Variants in GRM8 observed in about 807,000 individuals in gnomAD.
GRM8 encodes glutamate metabotropic receptor 8.
GRM8 carries 47 observed loss-of-function variants against 87.2 expected under a neutral mutation model. The observed-to-expected ratio is 0.54, with a 90% confidence interval of 0.43 to 0.69. The LOEUF (loss-of-function observed/expected upper bound fraction) is 0.69, where lower values mean the gene tolerates loss of function less well. Among genes scored for constraint, GRM8 ranks in the 30% least tolerant of loss-of-function variants. The probability of loss-of-function intolerance (pLI) is 0.00; values close to 1 mark genes in which losing one functional copy is unlikely to be tolerated. For synonymous variants in GRM8, 396 were observed against 404.5 expected (o/e 0.98, Z 0.25); for missense variants, 1,019 against 1,139.2 (o/e 0.89, Z 1.52).
intron 7 of GRM8, among the ~76,000 whole-genome samples, chr7:126,764,465 A>G (rs1425292580): frequency 6.6e-6 from 1 of 152,060 alleles, no homozygotes; most frequent in East Asian, 1.9e-4. Context: ...GTTAAACTAT[A>G]ATTATTCCTT....
At chr7:127,240,041 A>C (rs1307741502) in intron 2 of GRM8, among the ~76,000 whole-genome samples, 2 of 152,140 alleles carry the variant, frequency 1.3e-5, no homozygotes, top group East Asian at 3.9e-4. Context: ...CACTCCCTGC[A>C]CTTCAGTTAA....
At chr7:126,512,572 C>T (rs776017899) in intron 9 of GRM8, 1 of 152,162 alleles carries the variant, frequency 6.6e-6, no homozygotes, top group Non-Finnish European at 1.5e-5. Flanking sequence ...CTGCCTGATG[C>T]CCCCAGCTTG....
At chr7:126,973,015 A>G (rs1810586734) in intron 3 of GRM8, among the ~76,000 whole-genome samples, 2 of 152,266 alleles carry the variant, frequency 1.3e-5, no homozygotes, top group African/African-American at 4.8e-5. Context: ...CCAGACAGCT[A>G]TCCAATAAAC....
chr7:126,524,018 C>T (rs941337153), intron 9 of GRM8, among the ~76,000 whole-genome samples: 20 of 152,016 alleles, frequency 1.3e-4, no homozygotes, highest in Non-Finnish European at 2.6e-4. Flanking sequence ...AAATATTATT[C>T]CCTTCAGATT....
At chr7:126,989,478 C>T (rs1812421943) in intron 3 of GRM8, among the ~76,000 whole-genome samples, 1 of 152,184 alleles carries the variant, frequency 6.6e-6, no homozygotes, top group Non-Finnish European at 1.5e-5. Context: ...CCTCTAATCA[C>T]AGTGTCCTGT....
chr7:126,705,318 C>T (rs1032146286), intron 7 of GRM8, among the ~76,000 whole-genome samples: 6 of 152,142 alleles, frequency 3.9e-5, no homozygotes, highest in African/African-American at 1.4e-4. Flanking sequence ...CCTTGCTGCA[C>T]AAACTTGCTA....
chr7:126,455,675 G>C (rs1274243536), intron 9 of GRM8, among the ~76,000 whole-genome samples: 1 of 151,686 alleles, frequency 6.6e-6, no homozygotes, highest in Non-Finnish European at 1.5e-5. Context: ...TTAGCATTGA[G>C]TTTGCACTGG....
chr7:127,140,047 A>C (rs11563709), intron 2 of GRM8, among the ~76,000 whole-genome samples: 2,525 of 152,240 alleles, frequency 0.017, 27 homozygotes, highest in South Asian at 0.028. Flanking sequence ...CTCTCTAGTC[A>C]AGTCATGTTT....
At chr7:126,696,372 C>T (rs1045765686) in intron 7 of GRM8, among the ~76,000 whole-genome samples, 2 of 152,080 alleles carry the variant, frequency 1.3e-5, no homozygotes, top group African/African-American at 4.8e-5. Flanking sequence ...TATTGATGCT[C>T]TCTCTTTCCC....
At chr7:127,103,833 T>C (rs1193976805) in intron 3 of GRM8, among the ~76,000 whole-genome samples, 1 of 152,198 alleles carries the variant, frequency 6.6e-6, no homozygotes, top group South Asian at 2.1e-4. Flanking sequence ...ATCAAGGGGC[T>C]ATTTGTCTTT....
intron 7 of GRM8, among the ~76,000 whole-genome samples, chr7:126,695,620 A>G (rs947567009): frequency 6.6e-6 from 1 of 152,200 alleles, no homozygotes; most frequent in Non-Finnish European, 1.5e-5. Flanking sequence ...AAAGGTCTTA[A>G]TTGGTCAGTG....
At chr7:127,043,207 T>C (rs971052625) in intron 3 of GRM8, among the ~76,000 whole-genome samples, 7 of 152,178 alleles carry the variant, frequency 4.6e-5, no homozygotes, top group African/African-American at 1.2e-4. Context: ...GTCAGTGTGG[T>C]GATTCCTCAG....
At chr7:126,852,454 T>C (rs1797296516) in intron 6 of GRM8, among the ~76,000 whole-genome samples, 1 of 152,190 alleles carries the variant, frequency 6.6e-6, no homozygotes, top group Non-Finnish European at 1.5e-5. Context: ...AGGTTGTCAA[T>C]AGCAGGATGG....
At chr7:127,009,524 T>C (rs1448395746) in intron 3 of GRM8, among the ~76,000 whole-genome samples, 2 of 152,118 alleles carry the variant, frequency 1.3e-5, no homozygotes, top group African/African-American at 4.8e-5. Context: ...AACCTCAACA[T>C]TGCTCATGTA....
At chr7:126,843,469 T>C (rs997161347) in intron 6 of GRM8, among the ~76,000 whole-genome samples, 2 of 152,202 alleles carry the variant, frequency 1.3e-5, no homozygotes, top group African/African-American at 4.8e-5. Flanking sequence ...TTTTTAACCA[T>C]TGACGAAGCT....
At chr7:127,105,884 A>T (rs922361422) in intron 3 of GRM8, among the ~76,000 whole-genome samples, 2 of 152,202 alleles carry the variant, frequency 1.3e-5, no homozygotes, top group African/African-American at 2.4e-5. Context: ...ATGCCTAGAC[A>T]CTTGGATAAG....
intron 3 of GRM8, among the ~76,000 whole-genome samples, chr7:126,923,900 G>C (rs1425729563): frequency 6.6e-6 from 1 of 152,066 alleles, no homozygotes; most frequent in Non-Finnish European, 1.5e-5. Context: ...CATTCAGATT[G>C]AAACTTGATG....
intron 8 of GRM8, among the ~76,000 whole-genome samples, chr7:126,539,572 T>C (rs928217151): frequency 3.9e-5 from 6 of 152,010 alleles, no homozygotes; most frequent in African/African-American, 1.4e-4. Context: ...CAAGACAACA[T>C]AGTACAGGCA....
At chr7:126,869,485 T>A (rs1370362346) in intron 6 of GRM8, 1 of 152,192 alleles carries the variant, frequency 6.6e-6, no homozygotes, top group Non-Finnish European at 1.5e-5. Context: ...TATAGCCTTA[T>A]GAAATATACT....
Sources: allele counts gnomAD v4.1 joint callset (sites outside exome capture counted in the v4.1 genomes callset), GRCh38; gene constraint gnomAD v4.1.1; transcripts MANE v1.5; gene names NCBI Gene and HGNC (gene_info 2026-07-23, HGNC 2026-07-21).